THSD7B: variants seen among roughly 807,000 people sequenced by gnomAD.
The protein encoded by THSD7B is thrombospondin type 1 domain containing 7B.
A neutral mutation model predicts 213.6 loss-of-function variants in THSD7B; 138 were observed. That is an observed-to-expected ratio of 0.65 (90% CI 0.56 to 0.74). THSD7B has a LOEUF of 0.74. THSD7B is among the 30% of genes least tolerant of loss of function. The pLI is 0.00. For synonymous variants in THSD7B, 742 were observed against 687.0 expected (o/e 1.08, Z -1.25); for missense variants, 1,931 against 1,991.5 (o/e 0.97, Z 0.58).
chr2:137,211,771 C>A (rs909861538), intron 7 of THSD7B, among the ~76,000 whole-genome samples: 2 of 152,114 alleles, frequency 1.3e-5, no homozygotes, highest in Admixed American at 6.6e-5. Context: ...TTTGTCACTG[C>A]AATTATGATT....
chr2:137,667,951 T>A, intron 27 of THSD7B, 90 bp downstream of exon 27: 1 of 1,036,612 alleles, frequency 9.6e-7, no homozygotes, highest in Non-Finnish European at 1.4e-6. Flanking sequence ...CATTGCCCAT[T>A]ATAACAGGAT....
intron 2 of THSD7B, among the ~76,000 whole-genome samples, chr2:136,897,901 G>C (rs1683990840): frequency 6.6e-6 from 1 of 151,582 alleles, no homozygotes; most frequent in Non-Finnish European, 1.5e-5. Flanking sequence ...TAGACACAGA[G>C]TGCTGATTGG....
At chr2:137,538,775 A>T (rs113002032) in intron 15 of THSD7B, among the ~76,000 whole-genome samples, 11,084 of 151,748 alleles carry the variant, frequency 0.073, 452 homozygotes, top group African/African-American at 0.089. Context: ...GATAGGAAGA[A>T]AACAATGCTC....
At chr2:137,021,763 C>T (rs1045609807) in intron 2 of THSD7B, among the ~76,000 whole-genome samples, 31 of 152,182 alleles carry the variant, frequency 2.0e-4, no homozygotes, top group Non-Finnish European at 3.5e-4. Flanking sequence ...ATCCCTGACT[C>T]CTGGCAACCA....
chr2:137,193,780 G>T (rs141362736), intron 7 of THSD7B, among the ~76,000 whole-genome samples: 1 of 151,658 alleles, frequency 6.6e-6, no homozygotes, highest in Non-Finnish European at 1.5e-5. Context: ...TAAGGTTACG[G>T]GATGCATACA....
intron 15 of THSD7B, among the ~76,000 whole-genome samples, chr2:137,496,375 A>G (rs1318622095): frequency 6.6e-6 from 1 of 152,164 alleles, no homozygotes. Flanking sequence ...TACATTTTAA[A>G]GATAAACTTA....
At chr2:137,522,093 C>G (rs1259850811) in intron 15 of THSD7B, among the ~76,000 whole-genome samples, 2 of 152,136 alleles carry the variant, frequency 1.3e-5, no homozygotes, top group East Asian at 1.9e-4. Context: ...ACTGCATGGG[C>G]TAGGCTGTCT....
At chr2:137,144,108 T>C (rs1320741094) in intron 5 of THSD7B, among the ~76,000 whole-genome samples, 2 of 152,036 alleles carry the variant, frequency 1.3e-5, no homozygotes. Flanking sequence ...AATTAAAATG[T>C]CATTCCTCTG....
chr2:137,645,759 A>T (rs1317611712), intron 21 of THSD7B, among the ~76,000 whole-genome samples: 3 of 152,064 alleles, frequency 2.0e-5, no homozygotes, highest in Non-Finnish European at 2.9e-5. Context: ...AATTTCATGT[A>T]TGTTACAGTA....
chr2:137,100,894 A>T (rs891814), intron 4 of THSD7B, among the ~76,000 whole-genome samples: 150,496 of 152,216 alleles, frequency 0.99, 74,416 homozygotes, highest in Middle Eastern at 1. Context: ...GCTTTCCAGA[A>T]AAAAAATCTG....
intron 2 of THSD7B, among the ~76,000 whole-genome samples, chr2:137,017,172 A>G (rs1686356556): frequency 6.6e-6 from 1 of 152,040 alleles, no homozygotes; most frequent in Non-Finnish European, 1.5e-5. Context: ...AGCACTGTGG[A>G]TGAGGGATTG....
chr2:136,947,785 G>A (rs1462698616), intron 2 of THSD7B, among the ~76,000 whole-genome samples: 1 of 151,938 alleles, frequency 6.6e-6, no homozygotes, highest in African/African-American at 2.4e-5. Context: ...CATGTTTTTT[G>A]CCTCTGCATT....
intron 1 of THSD7B, among the ~76,000 whole-genome samples, chr2:136,790,732 G>A (rs1178258641): frequency 1.3e-5 from 2 of 151,924 alleles, no homozygotes; most frequent in Non-Finnish European, 2.9e-5. Context: ...AGGTTTTCCA[G>A]AGAAAAAATA....
chr2:137,664,657 G>T (rs1040121204), intron 26 of THSD7B, among the ~76,000 whole-genome samples: 2 of 152,112 alleles, frequency 1.3e-5, no homozygotes, highest in African/African-American at 4.8e-5. Flanking sequence ...ACTGAAAATG[G>T]CAGTGCAGGT....
intron 12 of THSD7B, among the ~76,000 whole-genome samples, chr2:137,339,000 A>G (rs898144441): frequency 5.3e-5 from 8 of 152,144 alleles, no homozygotes; most frequent in Admixed American, 2.6e-4. Flanking sequence ...TATAATAGAT[A>G]CATGATCACC....
At chr2:137,310,917 A>G (rs991855351) in intron 12 of THSD7B, among the ~76,000 whole-genome samples, 108 of 152,066 alleles carry the variant, frequency 7.1e-4, no homozygotes, top group Non-Finnish European at 1.3e-3. Flanking sequence ...GCCTTGTAGT[A>G]TAGTTTGAAG....
chr2:137,411,622 G>C lies in THSD7B; in HGVS notation c.2709G>C (p.Lys903Asn), dbSNP rs1439130151. ...TTGTTGGAACAGGGAAAAGCAGAAAGAAGGAGAAATGCCAGGATTCTGACC... is the reference window on the plus strand; with the variant it reads ...TTGTTGGAACAGGGAAAAGCAGAAACAAGGAGAAATGCCAGGATTCTGACC... ...RRRQLTGKSR[K>N]KEKCQDSDLY... is the part of the protein sequence containing the mutation. Residue 903 changes from lysine to asparagine, a missense_variant, in exon 14 of 28, where the codon AAG (lysine) becomes AAC (asparagine). Transcript: ENST00000409968. The C allele has an allele frequency of 6.2e-7, 1 of 1,611,078 alleles. No homozygotes were observed. Among genetic ancestry groups the C allele is most frequent in the Admixed American group, 1.7e-5 (1 of 59,840 alleles).
chr2:137,019,445 C>T (rs766347829), intron 2 of THSD7B, among the ~76,000 whole-genome samples: 8 of 152,274 alleles, frequency 5.3e-5, no homozygotes, highest in East Asian at 3.9e-4. Flanking sequence ...TGTGTGTAAC[C>T]GAGCAAACCC....
intron 10 of THSD7B, among the ~76,000 whole-genome samples, chr2:137,251,377 TTGTC>T (rs1446205281): frequency 4.6e-5 from 7 of 151,736 alleles, no homozygotes; most frequent in African/African-American, 9.7e-5. Context: ...GTTCATTCAT[TTGTC>T]TGTCAGTCTG....
Sources: gnomAD v4.1 joint callset for allele counts (sites outside exome capture counted in the v4.1 genomes callset) on GRCh38, gnomAD v4.1.1 for gene constraint, MANE v1.5 for transcripts, NCBI Gene and HGNC (gene_info 2026-07-23, HGNC 2026-07-21) for gene names.